The following RDH11 variants were observed in gnomAD, a reference collection of about 807,000 sequenced individuals.
RDH11 encodes the protein HCV core-binding protein HCBP12.
RDH11 carries 19 observed loss-of-function variants against 33.4 expected under a neutral mutation model. The observed-to-expected ratio is 0.57, with a 90% confidence interval of 0.40 to 0.83. RDH11 has a LOEUF of 0.83. RDH11 is among the 40% of genes least tolerant of loss of function. RDH11 has a pLI of 0.00. For synonymous variants in RDH11, 154 were observed against 155.3 expected (o/e 0.99, Z 0.06); for missense variants, 353 against 389.0 (o/e 0.91, Z 0.78).
Position 67,678,284 on chromosome 14 carries a change from G to T in RDH11, c.*37C>A. On this transcript the variant is annotated 3_prime_UTR_variant, in exon 7 of 7. Coordinates refer to ENST00000381346, the MANE Select transcript of RDH11 (RefSeq NM_016026.4). ...TTTGACAAGAAGTACTGTGTAGTCT[G>T]CTGCAGTCTTCTCTTGGGTCCAACT... 1.6e-6 allele frequency: 2 copies of T among 1,256,430 alleles called. No individual in the cohort carries two copies. The highest frequency in any genetic ancestry group is 2.3e-6 in the Non-Finnish European group (2 of 853,660). The allele number at this position is 1,256,430 out of a possible 1,614,324, so 77.8% of individuals were successfully genotyped here. A position where few individuals can be genotyped will look rare whatever the true frequency, so the allele number is the denominator to read the frequency against.
At chr14:67,689,144 C>G (rs10459532) in intron 5 of RDH11, among the ~76,000 whole-genome samples, 19,404 of 152,230 alleles carry the variant, frequency 0.13, 1,291 homozygotes, top group East Asian at 0.21. Flanking sequence ...ATCCAGTTAC[C>G]CTTATCTATC....
chr14:67,692,004 T>A (rs144479303), intron 3 of RDH11: 1 of 156,238 alleles, frequency 6.4e-6, no homozygotes, highest in Non-Finnish European at 1.4e-5. Context: ...CTTTGTCATG[T>A]CTCTGAGCTG....
intron 1 of RDH11, among the ~76,000 whole-genome samples, chr14:67,694,439 TATATATATATATACACACACACACAC>T (rs2037798418): frequency 7.2e-6 from 1 of 138,276 alleles, no homozygotes; most frequent in Middle Eastern, 3.6e-3. Context: ...GGAATATATA[TATATATATATATACACACACACACAC>T]ATATATATAT....
At chr14:67,683,459 G>C (rs1301534233) in intron 6 of RDH11, among the ~76,000 whole-genome samples, 1 of 152,132 alleles carries the variant, frequency 6.6e-6, no homozygotes, top group Admixed American at 6.5e-5. Context: ...TACAGAGCCA[G>C]GTTTGTTACA....
intron 1 of RDH11, among the ~76,000 whole-genome samples, chr14:67,694,513 T>C (rs1478144736): frequency 8.8e-5 from 12 of 135,990 alleles, no homozygotes; most frequent in Non-Finnish European, 1.8e-4. Flanking sequence ...TATACACACA[T>C]ATATTTTTTT....
chr14:67,688,435 T>C (rs1353402762), intron 5 of RDH11, among the ~76,000 whole-genome samples: 2 of 152,192 alleles, frequency 1.3e-5, no homozygotes, highest in Non-Finnish European at 2.9e-5. Context: ...TTTCAGTTCC[T>C]TGTGCATGAT....
chr14:67,678,788 C>T (rs1052798269), intron 6 of RDH11, among the ~76,000 whole-genome samples: 1 of 151,734 alleles, frequency 6.6e-6, no homozygotes, highest in African/African-American at 2.4e-5. Context: ...TGGACAATGT[C>T]ATATAGCTGA....
At chr14:67,678,480 G>A in intron 6 of RDH11, 57 bp from the exon 7 acceptor site, 1 of 1,173,576 alleles carries the variant, frequency 8.5e-7, no homozygotes, top group Non-Finnish European at 1.3e-6. Context: ...TCTGCCATCT[G>A]CCAGGGATAA....
rs2037746559 is a variant in RDH11, at chr14:67,691,247, G to T, written c.350-3C>A. The T allele has an allele frequency of 1.2e-6, 2 of 1,608,390 alleles. No homozygotes were observed. The highest frequency in any genetic ancestry group is 1.7e-5 in the Admixed American group (1 of 59,996). On this transcript the variant is annotated splice_region_variant and splice_polypyrimidine_tract_variant and intron_variant, in intron 3 of 6. Coordinates refer to ENST00000381346, the MANE Select transcript of RDH11 (RefSeq NM_016026.4). ...CAAAACGTGGAGGTGCTTTTCCTCT[G>T]CAGGGACAAGACGATGGAGCGTGGA... is the stretch of plus-strand genomic sequence containing the variant.
intron 6 of RDH11, chr14:67,684,440 A>T (rs1035818107): frequency 2.0e-5 from 3 of 152,230 alleles, no homozygotes; most frequent in Non-Finnish European, 4.4e-5. Context: ...GCTCCATTAT[A>T]TGCAGGCTCA....
In RDH11 at chr14:67,685,120, C is replaced by T. The variant is rs1470605735; in HGVS notation, c.749G>A (p.Trp250Ter). 6.8e-6 allele frequency: 11 copies of T among 1,614,166 alleles called. No individual in the cohort carries two copies. Among genetic ancestry groups the T allele is most frequent in the Non-Finnish European group, 9.3e-6 (11 of 1,180,026 alleles). ...CTTGATGAAAAAGGAGAAAAGCCAC[C>T]ACATCCATCTCATGAAAGATGAGTG... is the stretch of plus-strand genomic sequence containing the variant. ...VRHSSFMRWM[W>*]WLFSFFIKTP... Residue 250 changes from tryptophan (W) to a stop codon, truncating the protein, a stop_gained, in exon 6 of 7, where the codon TGG (tryptophan) becomes TAG (stop). Transcript: ENST00000381346. LOFTEE classifies it high-confidence loss of function.
chr14:67,691,590 T>C (rs1456164825), intron 3 of RDH11: 1 of 216,310 alleles, frequency 4.6e-6, no homozygotes, highest in Non-Finnish European at 9.3e-6. Context: ...GAAAAAAGAA[T>C]GTTCTCTATG....
intron 6 of RDH11, among the ~76,000 whole-genome samples, chr14:67,683,283 A>ATT (rs961791529): frequency 2.0e-5 from 3 of 148,726 alleles, no homozygotes; most frequent in Non-Finnish European, 4.5e-5. Context: ...ATAAAGGGTT[A>ATT]TTTTTTTTTT....
chr14:67,691,326 GA>G, intron 3 of RDH11, 82 bp from the exon 4 acceptor site: 6 of 858,878 alleles, frequency 7.0e-6, no homozygotes, highest in Non-Finnish European at 9.7e-6. Flanking sequence ...CTCAGGCTTT[GA>G]AAATGAGGAT....
intron 1 of RDH11, among the ~76,000 whole-genome samples, chr14:67,693,492 T>G (rs765232318): frequency 4.0e-5 from 6 of 150,534 alleles, no homozygotes; most frequent in African/African-American, 7.3e-5. Context: ...TATGAAAGCT[T>G]GTGACTCTGG....
At position 67,685,204 on chromosome 14, in the gene RDH11, C is replaced by A; in HGVS notation, c.665G>T (p.Gly222Val). The change falls in exon 6 of 7, where the codon GGC becomes GTC. Residue 222 changes from glycine (G) to valine (V), a missense_variant and splice_region_variant. Transcript: ENST00000381346. ...FTQELARRLKGSGVTTYSVHP... is the reference protein window; with the variant it reads ...FTQELARRLKVSGVTTYSVHP... ...TACAGAATACGTCGTAACGCCAGAGCCTGGTTGGGGGTGGCATGAAGAGAG... is the reference window on the plus strand; with the variant it reads ...TACAGAATACGTCGTAACGCCAGAGACTGGTTGGGGGTGGCATGAAGAGAG... The A allele has an allele frequency of 6.2e-7, 1 of 1,609,550 alleles. No individual in the cohort carries two copies. The highest frequency in any genetic ancestry group is 8.5e-7 in the Non-Finnish European group (1 of 1,177,590).
At chr14:67,695,430 C>CTT (rs1176915069) in intron 1 of RDH11, among the ~76,000 whole-genome samples, 200 bp downstream of exon 1, 2 of 152,206 alleles carry the variant, frequency 1.3e-5, no homozygotes, top group Non-Finnish European at 2.9e-5. Flanking sequence ...GACTGCCGCC[C>CTT]TTTCTCACCG....
chr14:67,683,129 C>A (rs1480772718), intron 6 of RDH11, among the ~76,000 whole-genome samples: 2 of 152,176 alleles, frequency 1.3e-5, no homozygotes, highest in Non-Finnish European at 2.9e-5. Flanking sequence ...ATGTTCATTT[C>A]TTGATGGTGG....
At chr14:67,683,773 C>G (rs2037643588) in intron 6 of RDH11, among the ~76,000 whole-genome samples, 1 of 152,226 alleles carries the variant, frequency 6.6e-6, no homozygotes, top group South Asian at 2.1e-4. Context: ...CTTAGCCTGG[C>G]TCTTCAGTCT....
Sources: gnomAD v4.1 joint callset for allele counts (sites outside exome capture counted in the v4.1 genomes callset) on GRCh38, gnomAD v4.1.1 for gene constraint, MANE v1.5 for transcripts, NCBI Gene and HGNC (gene_info 2026-07-23, HGNC 2026-07-21) for gene names.